CYREN: variants seen among roughly 807,000 people sequenced by gnomAD.
CYREN encodes cell cycle regulator of non-homologous end joining.
Under a neutral mutation model 9.7 loss-of-function variants are expected in CYREN, and 7 were observed. The observed-to-expected ratio is 0.72, with a 90% CI of 0.41 to 1.36. CYREN has a LOEUF of 1.36. Among genes scored for constraint, CYREN ranks in the 40% most tolerant of loss-of-function variants. The probability of loss-of-function intolerance (pLI) is 0.01; values close to 1 mark genes in which losing one functional copy is unlikely to be tolerated. For synonymous variants in CYREN, 76 were observed against 77.9 expected, an observed-to-expected ratio of 0.98 and a Z score of 0.13; for missense variants, 215 against 198.1, an observed-to-expected ratio of 1.09 and a Z score of -0.51.
At chr7:135,167,484 A>AAC (rs999061587) in intron 3 of CYREN, 1 of 1,388,058 alleles carries the variant, frequency 7.2e-7, no homozygotes, top group Non-Finnish European at 9.3e-7. Context: ...CGCTCTCCCT[A>AAC]ACACACACAC....
intron 2 of CYREN, chr7:135,135,629 A>G (rs1275896043): frequency 6.2e-6 from 1 of 161,176 alleles, no homozygotes; most frequent in Non-Finnish European, 1.4e-5. Flanking sequence ...TAACCTCCCT[A>G]CTAGACACTT....
At chr7:135,117,150 CT>C (rs1826438392) in intron 2 of CYREN, among the ~76,000 whole-genome samples, 1 of 152,140 alleles carries the variant, frequency 6.6e-6, no homozygotes, top group Non-Finnish European at 1.5e-5. Flanking sequence ...TGAAAAATAT[CT>C]CCAATTATAT....
At chr7:135,169,994 A>T (rs1830531374) in intron 1 of CYREN, among the ~76,000 whole-genome samples, 1 of 152,000 alleles carries the variant, frequency 6.6e-6, no homozygotes, top group South Asian at 2.1e-4. Flanking sequence ...GATATTAGTG[A>T]CTCCTACCCC....
chr7:135,103,860 T>C (rs1824233120), intron 2 of CYREN, among the ~76,000 whole-genome samples: 1 of 152,188 alleles, frequency 6.6e-6, no homozygotes. Context: ...GTAATTTTCT[T>C]CAACTGCTTC....
At chr7:135,133,704 C>A (rs889934058) in intron 2 of CYREN, among the ~76,000 whole-genome samples, 2 of 152,016 alleles carry the variant, frequency 1.3e-5, no homozygotes, top group Non-Finnish European at 2.9e-5. Flanking sequence ...GGTGCTGGAA[C>A]AATTGGATAT....
chr7:135,150,073 C>CT (rs1704674656), intron 2 of CYREN, among the ~76,000 whole-genome samples: 1 of 152,038 alleles, frequency 6.6e-6, no homozygotes, highest in African/African-American at 2.4e-5. Context: ...CAAATATATC[C>CT]TTTTTTCCAG....
At chr7:135,139,531 A>G (rs1829415188) in intron 2 of CYREN, among the ~76,000 whole-genome samples, 1 of 151,232 alleles carries the variant, frequency 6.6e-6, no homozygotes, top group Non-Finnish European at 1.5e-5. Context: ...TAGGCTGTTT[A>G]CTGTGCTCAA....
chr7:135,154,872 T>C (rs11971114), intron 2 of CYREN, among the ~76,000 whole-genome samples: 73,784 of 152,088 alleles, frequency 0.49, 18,262 homozygotes, highest in South Asian at 0.66. Context: ...TAAAGTTCAA[T>C]TTAAGTACAA....
intron 2 of CYREN, among the ~76,000 whole-genome samples, chr7:135,130,323 C>T (rs1015353534): frequency 6.6e-6 from 1 of 152,120 alleles, no homozygotes; most frequent in Non-Finnish European, 1.5e-5. Flanking sequence ...ATACCACAAA[C>T]GCTATGGGGC....
chr7:135,128,752 C>T (rs1423439284), intron 2 of CYREN: 1 of 1,365,126 alleles, frequency 7.3e-7, no homozygotes, highest in Non-Finnish European at 1.0e-6. Flanking sequence ...TCAAGCCTCT[C>T]CCAACACAGA....
At chr7:135,149,546 A>G (rs1829621128) in intron 2 of CYREN, among the ~76,000 whole-genome samples, 1 of 152,214 alleles carries the variant, frequency 6.6e-6, no homozygotes, top group Non-Finnish European at 1.5e-5. Context: ...TAGATTTATA[A>G]AAGTGGGCCA....
intron 2 of CYREN, among the ~76,000 whole-genome samples, chr7:135,135,991 A>T (rs1414974767): frequency 6.6e-6 from 1 of 152,142 alleles, no homozygotes; most frequent in Admixed American, 6.6e-5. Context: ...CCATTTATTC[A>T]TGTGAACACT....
chr7:135,132,786 C>A (rs914606848), intron 2 of CYREN, among the ~76,000 whole-genome samples: 3 of 152,084 alleles, frequency 2.0e-5, no homozygotes, highest in Non-Finnish European at 4.4e-5. Context: ...GCCAAGATTG[C>A]GAGGCCTCCC....
intron 2 of CYREN, among the ~76,000 whole-genome samples, chr7:135,145,746 C>T (rs1829534469): frequency 6.6e-6 from 1 of 152,138 alleles, no homozygotes; most frequent in African/African-American, 2.4e-5. Flanking sequence ...ATGGTATTTA[C>T]AGGCACACCT....
chr7:135,165,101 G>A (rs1049962814), downstream of CYREN: 10 of 1,399,304 alleles, frequency 7.1e-6, no homozygotes, highest in East Asian at 4.8e-5. Context: ...CAGCTCCAGC[G>A]ATGGAACCCA....
chr7:135,168,190 G>A lies in CYREN; in HGVS notation c.138-383C>T, dbSNP rs561284355. On this transcript the variant is annotated intron_variant, in intron 2 of 3. Coordinates refer to ENST00000393114, the MANE Select transcript of CYREN (RefSeq NM_024033.4). ...GGGAAAGACGGCAGCAGTCACAAGG[G>A]AAGGCTGTCAGTCAGGAAACCTTAG... 85 of 233,626 alleles carry A rather than the reference G, an allele frequency of 3.6e-4. 1 individual carries two copies. Among genetic ancestry groups the A allele is most frequent in the Non-Finnish European group, 5.9e-4 (69 of 116,712 alleles). 14.5% of individuals were successfully genotyped at this position (233,626 alleles called of 1,614,324 possible).
exon 3 of CYREN, chr7:135,094,079 C>G: frequency 3.6e-6 from 1 of 278,702 alleles, no homozygotes. Flanking sequence ...GTTCCTTATA[C>G]CATACACTAA....
chr7:135,112,276 C>G (rs1272425386), intron 2 of CYREN, among the ~76,000 whole-genome samples: 1 of 152,190 alleles, frequency 6.6e-6, no homozygotes, highest in Non-Finnish European at 1.5e-5. Context: ...CCAGTGTGAT[C>G]TTTCAAAAAT....
rs1365283692 is a variant in CYREN, at chr7:135,151,427, C to A, written n.356+17322G>T. 6.6e-6 allele frequency among the ~76,000 whole-genome samples: 1 copy of A among 152,214 alleles called. No homozygotes were observed. Among genetic ancestry groups the A allele is most frequent in the African/African-American group, 2.4e-5 (1 of 41,444 alleles). On this transcript the variant is annotated intron_variant and non_coding_transcript_variant, in intron 2 of 2. Transcript: ENST00000459937. This position sits in a 1 kb window ranked among gnomAD's most constrained non-coding sequence, Gnocchi z 4.3. ...ATGTGTTCCACCAGAAATATTTTAGCCAGGACTGGTGGCCTCTGACAAGTA... is the reference window on the plus strand; with the variant it reads ...ATGTGTTCCACCAGAAATATTTTAGACAGGACTGGTGGCCTCTGACAAGTA...
Sources: allele counts gnomAD v4.1 joint callset (sites outside exome capture counted in the v4.1 genomes callset), GRCh38; gene constraint gnomAD v4.1.1; non-coding constraint Gnocchi (gnomAD v3.1); transcripts MANE v1.5; gene names NCBI Gene and HGNC (gene_info 2026-07-23, HGNC 2026-07-21).